Variants in ATG10 observed in about 807,000 individuals in gnomAD.
ATG10 encodes ubiquitin-like-conjugating enzyme ATG10.
A neutral mutation model predicts 32.1 loss-of-function variants in ATG10; 30 were observed. The ratio of observed to expected loss-of-function variants is 0.94; its 90% confidence interval spans 0.70 to 1.27. The LOEUF is 1.27. ATG10 is among the 50% of genes most tolerant of loss of function. The pLI, the probability that ATG10 is intolerant of heterozygous loss-of-function variation, is 0.00. For missense variants in ATG10, 233 were observed against 262.3 expected (o/e 0.89, Z 0.77); for synonymous variants, 87 against 91.5 (o/e 0.95, Z 0.28).
intron 3 of ATG10, among the ~76,000 whole-genome samples, chr5:82,110,578 G>T (rs1156662148): frequency 6.6e-6 from 1 of 152,060 alleles, no homozygotes; most frequent in Non-Finnish European, 1.5e-5. Context: ...TCATGTGTCT[G>T]TTGGCTGCAT....
At chr5:81,972,932 C>A (rs1410059169) in intron 1 of ATG10, among the ~76,000 whole-genome samples, 1 of 151,876 alleles carries the variant, frequency 6.6e-6, no homozygotes, top group Non-Finnish European at 1.5e-5. Context: ...CAAAATGGAG[C>A]CTAACAGGCC....
chr5:82,022,352 G>A (rs1184720459), intron 2 of ATG10, among the ~76,000 whole-genome samples: 1 of 143,112 alleles, frequency 7.0e-6, no homozygotes, highest in Non-Finnish European at 1.5e-5. Flanking sequence ...TTTTTGAGAC[G>A]GAGTCTCGCT....
At chr5:82,030,888 A>G (rs1347950500) in intron 2 of ATG10, among the ~76,000 whole-genome samples, 1 of 152,142 alleles carries the variant, frequency 6.6e-6, no homozygotes, top group Non-Finnish European at 1.5e-5. Flanking sequence ...TTTTTAGCCT[A>G]CATTTAGGTT....
intron 5 of ATG10, among the ~76,000 whole-genome samples, chr5:82,230,746 A>AAAAAAAAAAAAG (rs1746334889): frequency 6.6e-6 from 1 of 151,254 alleles, no homozygotes. Flanking sequence ...AAAAAAAAAA[A>AAAAAAAAAAAAG]AAAAAAAAAA....
At chr5:82,222,607 A>G (rs1359469309) in intron 5 of ATG10, among the ~76,000 whole-genome samples, 1 of 152,226 alleles carries the variant, frequency 6.6e-6, no homozygotes, top group Non-Finnish European at 1.5e-5. Context: ...GTTATATTTA[A>G]ATAGAGAAAG....
chr5:81,972,267 G>C lies in ATG10; in HGVS notation c.-52G>C, dbSNP rs1440610028. ...CCCCTGGCCCCGTCGCCCCGCCCTC[G>C]CCGGGCTGGGCTGCGGGGTCAGGGG... is the stretch of plus-strand genomic sequence containing the variant. On this transcript the variant is annotated 5_prime_UTR_variant, in exon 1 of 8. Transcript: ENST00000282185. The C allele has an allele frequency of 6.6e-6, 1 of 152,450 alleles. No homozygotes were observed. Among genetic ancestry groups the C allele is most frequent in the African/African-American group, 2.4e-5 (1 of 41,456 alleles). 9.4% of individuals were successfully genotyped at this position (152,450 alleles called of 1,614,324 possible). A position where few individuals can be genotyped will look rare whatever the true frequency, so the allele number is the denominator to read the frequency against.
At chr5:82,041,054 T>G (rs1763069741) in intron 2 of ATG10, among the ~76,000 whole-genome samples, 1 of 152,236 alleles carries the variant, frequency 6.6e-6, no homozygotes, top group Non-Finnish European at 1.5e-5. Context: ...AAAAGACTGC[T>G]TTCTATACCT....
chr5:82,093,850 T>A (rs1230229506), intron 3 of ATG10, among the ~76,000 whole-genome samples: 1 of 152,184 alleles, frequency 6.6e-6, no homozygotes, highest in East Asian at 1.9e-4. Flanking sequence ...CAGCCATTAG[T>A]CTAGGGGTTA....
chr5:82,226,826 C>T (rs1746152446), intron 5 of ATG10, among the ~76,000 whole-genome samples: 3 of 152,210 alleles, frequency 2.0e-5, no homozygotes, highest in East Asian at 1.9e-4. Context: ...AAACTTATGA[C>T]GCAGATTATA....
chr5:82,220,537 C>T (rs1162715128), intron 5 of ATG10, among the ~76,000 whole-genome samples: 1 of 152,184 alleles, frequency 6.6e-6, no homozygotes, highest in Non-Finnish European at 1.5e-5. Flanking sequence ...GCTGGGATTA[C>T]AGGTGTGAGC....
At chr5:82,129,222 G>GT (rs1301503742) in intron 3 of ATG10, among the ~76,000 whole-genome samples, 3 of 151,746 alleles carry the variant, frequency 2.0e-5, no homozygotes, top group African/African-American at 7.3e-5. Flanking sequence ...CTCTAAACTG[G>GT]TTATTCTAGT....
At chr5:82,223,089 C>T (rs1015242250) in intron 5 of ATG10, among the ~76,000 whole-genome samples, 4 of 152,120 alleles carry the variant, frequency 2.6e-5, no homozygotes, top group African/African-American at 4.8e-5. Context: ...TAGATGCAGA[C>T]GAGAGATAGC....
At chr5:82,092,685 TG>T (rs1160535810) in intron 3 of ATG10, among the ~76,000 whole-genome samples, 1 of 152,212 alleles carries the variant, frequency 6.6e-6, no homozygotes, top group Non-Finnish European at 1.5e-5. Context: ...GTGAGACTCC[TG>T]GAAGCTTATG....
At chr5:81,980,994 G>A (rs1761030474) in intron 1 of ATG10, among the ~76,000 whole-genome samples, 1 of 152,158 alleles carries the variant, frequency 6.6e-6, no homozygotes, top group Admixed American at 6.5e-5. Context: ...GTACAGTGTT[G>A]CCTCTCATTT....
At chr5:82,140,004 C>T (rs1454317027) in intron 3 of ATG10, among the ~76,000 whole-genome samples, 176 of 130,480 alleles carry the variant, frequency 1.3e-3, no homozygotes, top group African/African-American at 4.6e-3. Flanking sequence ...TCTGCCCGGC[C>T]GCCCCTACTG....
intron 3 of ATG10, among the ~76,000 whole-genome samples, chr5:82,137,982 G>A (rs1766834543): frequency 6.6e-6 from 1 of 152,124 alleles, no homozygotes; most frequent in Non-Finnish European, 1.5e-5. Flanking sequence ...AGCTGTGGTG[G>A]GCTTCACCCA....
At chr5:82,197,332 T>C (rs1744893522) in intron 5 of ATG10, among the ~76,000 whole-genome samples, 1 of 152,200 alleles carries the variant, frequency 6.6e-6, no homozygotes, top group East Asian at 1.9e-4. Context: ...CATGTCATTA[T>C]GGCATGTCTT....
intron 3 of ATG10, among the ~76,000 whole-genome samples, chr5:82,157,912 G>A (rs1767871088): frequency 6.6e-6 from 1 of 152,152 alleles, no homozygotes; most frequent in South Asian, 2.1e-4. Flanking sequence ...GGGATGTTAT[G>A]AATAAAGCTC....
chr5:82,253,697 C>G (rs1747354112), intron 7 of ATG10, among the ~76,000 whole-genome samples: 1 of 152,200 alleles, frequency 6.6e-6, no homozygotes. Flanking sequence ...CTGAGCTCTT[C>G]CTCCTATCAG....
Sources: gnomAD v4.1 joint callset for allele counts (sites outside exome capture counted in the v4.1 genomes callset) on GRCh38, gnomAD v4.1.1 for gene constraint, MANE v1.5 for transcripts, NCBI Gene and HGNC (gene_info 2026-07-23, HGNC 2026-07-21) for gene names.